The following ADAMTSL3 variants were observed in gnomAD, a reference collection of about 807,000 sequenced individuals.
ADAMTSL3 encodes ADAMTS-like protein 3.
Under a neutral mutation model 201.7 loss-of-function variants are expected in ADAMTSL3, and 128 were observed. The ratio of observed to expected loss-of-function variants is 0.63; its 90% CI spans 0.55 to 0.73. The LOEUF (loss-of-function observed/expected upper bound fraction) is 0.73, where lower values mean the gene tolerates loss of function less well. Ranked by LOEUF, ADAMTSL3 falls within the 30% of genes least tolerant of loss-of-function variation. The pLI, the probability that ADAMTSL3 is intolerant of heterozygous loss-of-function variation, is 0.00. For synonymous variants in ADAMTSL3, 738 were observed against 748.4 expected (o/e 0.99, Z 0.23); for missense variants, 1,990 against 2,119.6 (o/e 0.94, Z 1.20).
chr15:83,803,656 G>A (rs781693792), intron 4 of ADAMTSL3, among the ~76,000 whole-genome samples: 3 of 152,156 alleles, frequency 2.0e-5, no homozygotes, highest in Non-Finnish European at 4.4e-5. Flanking sequence ...GTACCCGTTG[G>A]ATGGAATTCC....
At chr15:83,759,546 T>G (rs929750411) in intron 3 of ADAMTSL3, among the ~76,000 whole-genome samples, 1 of 152,156 alleles carries the variant, frequency 6.6e-6, no homozygotes, top group African/African-American at 2.4e-5. Flanking sequence ...TTTAAATCAA[T>G]GTTTTGACAT....
At chr15:83,938,186 A>G (rs1049294869) in intron 17 of ADAMTSL3, among the ~76,000 whole-genome samples, 1 of 147,932 alleles carries the variant, frequency 6.8e-6, no homozygotes, top group Non-Finnish European at 1.5e-5. Flanking sequence ...TTAGGCCCTT[A>G]TACTATTTGT....
At chr15:83,974,738 G>A (rs2067252927) in intron 20 of ADAMTSL3, among the ~76,000 whole-genome samples, 1 of 152,168 alleles carries the variant, frequency 6.6e-6, no homozygotes, top group South Asian at 2.1e-4. Flanking sequence ...AGAAAAGAAG[G>A]ATAACAGAAA....
chr15:83,691,952 TATG>T (rs2061614335), intron 2 of ADAMTSL3, among the ~76,000 whole-genome samples: 2 of 152,286 alleles, frequency 1.3e-5, no homozygotes, highest in South Asian at 4.1e-4. Context: ...TATAGAATGG[TATG>T]ATGATGTTTT....
intron 10 of ADAMTSL3, among the ~76,000 whole-genome samples, chr15:83,886,272 T>A (rs554585325): frequency 2.6e-5 from 4 of 152,172 alleles, no homozygotes; most frequent in Non-Finnish European, 5.9e-5. Flanking sequence ...AACCATGACT[T>A]AGTAGAATAG....
chr15:83,765,992 A>G (rs944239362), intron 3 of ADAMTSL3, among the ~76,000 whole-genome samples: 10 of 152,234 alleles, frequency 6.6e-5, no homozygotes, highest in African/African-American at 9.6e-5. Flanking sequence ...TTCCATCACA[A>G]TTAGAAAACA....
chr15:83,713,467 G>T (rs1321352326), intron 3 of ADAMTSL3, among the ~76,000 whole-genome samples: 2 of 152,182 alleles, frequency 1.3e-5, no homozygotes, highest in African/African-American at 2.4e-5. Context: ...TTGCAGGTTT[G>T]CTATAAGAAT....
intron 2 of ADAMTSL3, among the ~76,000 whole-genome samples, chr15:83,658,597 T>C (rs1038247452): frequency 7.9e-5 from 12 of 152,202 alleles, no homozygotes; most frequent in African/African-American, 2.2e-4. Context: ...CCTCCCCTCT[T>C]CCTGTCTCAC....
intron 27 of ADAMTSL3, among the ~76,000 whole-genome samples, chr15:84,030,939 TCTC>T (rs2068398087): frequency 6.6e-6 from 1 of 152,132 alleles, no homozygotes; most frequent in Non-Finnish European, 1.5e-5. Context: ...ACTTGGCACT[TCTC>T]CTCTTTGCCG....
intron 20 of ADAMTSL3, among the ~76,000 whole-genome samples, chr15:83,972,031 A>G (rs1450610070): frequency 6.6e-6 from 1 of 151,956 alleles, no homozygotes; most frequent in Non-Finnish European, 1.5e-5. Context: ...AAGTAGTGAC[A>G]TTTATTGAGC....
chr15:83,783,122 A>G (rs1047944017), intron 4 of ADAMTSL3, among the ~76,000 whole-genome samples: 6 of 144,438 alleles, frequency 4.2e-5, no homozygotes, highest in African/African-American at 1.5e-4. Context: ...TAAAATTCAG[A>G]AGAGAGTAAA....
At chr15:83,851,020 C>G (rs753221168) in intron 7 of ADAMTSL3, among the ~76,000 whole-genome samples, 3 of 152,174 alleles carry the variant, frequency 2.0e-5, no homozygotes, top group Non-Finnish European at 2.9e-5. Context: ...TGCTGCTGGT[C>G]GGGCACATTC....
At chr15:83,787,675 T>C (rs2063286544) in intron 4 of ADAMTSL3, among the ~76,000 whole-genome samples, 1 of 151,912 alleles carries the variant, frequency 6.6e-6, no homozygotes, top group Admixed American at 6.6e-5. Flanking sequence ...ATTCTCTTGG[T>C]GTTTTATCCA....
Position 83,751,362 on chromosome 15 carries a change from G to A in ADAMTSL3, c.190-22161G>A, listed in dbSNP as rs150074916. ...TTGGAGGTCATTTTCTAGGTTAGAA[G>A]CAGAGCCCAAATTAATAGTGACCTG... is the stretch of plus-strand genomic sequence containing the variant. On this transcript the variant is annotated intron_variant, in intron 3 of 29. Coordinates refer to ENST00000286744, the MANE Select transcript of ADAMTSL3 (RefSeq NM_207517.3). Among the ~76,000 whole-genome samples the A allele has an allele frequency of 1.1e-4, 16 of 152,276 alleles. 1 individual carries two copies. The highest frequency in any genetic ancestry group is 3.6e-4 in the African/African-American group (15 of 41,554).
At chr15:83,871,873 C>A (rs2065087032) in intron 9 of ADAMTSL3, among the ~76,000 whole-genome samples, 1 of 152,022 alleles carries the variant, frequency 6.6e-6, no homozygotes, top group Non-Finnish European at 1.5e-5. Context: ...AGGAAATAGC[C>A]CCAATTACCA....
intron 2 of ADAMTSL3, among the ~76,000 whole-genome samples, chr15:83,679,949 A>G (rs1596015645): frequency 6.6e-6 from 1 of 152,182 alleles, no homozygotes; most frequent in East Asian, 1.9e-4. Flanking sequence ...TGCTGACACC[A>G]TGCCACCATT....
intron 3 of ADAMTSL3, among the ~76,000 whole-genome samples, chr15:83,724,006 A>G (rs1388411709): frequency 6.6e-6 from 1 of 152,048 alleles, no homozygotes; most frequent in Admixed American, 6.6e-5. Flanking sequence ...CCAAGGCTCA[A>G]TACTTGTTTA....
chr15:83,753,078 G>A (rs61140850), intron 3 of ADAMTSL3, among the ~76,000 whole-genome samples: 3,901 of 152,256 alleles, frequency 0.026, 175 homozygotes, highest in African/African-American at 0.087. Flanking sequence ...ATGGGGCTTG[G>A]TGAATGCTGT....
intron 4 of ADAMTSL3, among the ~76,000 whole-genome samples, chr15:83,794,474 C>T (rs1259575420): frequency 2.0e-5 from 3 of 152,048 alleles, no homozygotes; most frequent in African/African-American, 4.8e-5. Context: ...GCTACACAGC[C>T]GTAAATGGAA....
Sources: allele counts gnomAD v4.1 joint callset (sites outside exome capture counted in the v4.1 genomes callset), GRCh38; gene constraint gnomAD v4.1.1; transcripts MANE v1.5; gene names NCBI Gene and HGNC (gene_info 2026-07-23, HGNC 2026-07-21).